MMAA: variants seen among roughly 807,000 people sequenced by gnomAD.
MMAA encodes the protein methylmalonic aciduria type A protein, mitochondrial.
In MMAA, 41 loss-of-function variants were observed where a neutral mutation model predicts 45.0. The ratio of observed to expected loss-of-function variants is 0.91; its 90% confidence interval spans 0.71 to 1.18. The LOEUF (loss-of-function observed/expected upper bound fraction) is 1.18, where lower values mean the gene tolerates loss of function less well. Among genes scored for constraint, MMAA ranks in the 50% most tolerant of loss-of-function variants. The probability of loss-of-function intolerance (pLI) is 0.00; values close to 1 mark genes in which losing one functional copy is unlikely to be tolerated. For synonymous variants in MMAA, 154 were observed against 178.2 expected (o/e 0.86, Z 1.08); for missense variants, 460 against 495.7 (o/e 0.93, Z 0.68).
rs750994850 is a variant in MMAA at position 145,655,463 on chromosome 4, A to G, written c.*29A>G. The G allele has an allele frequency of 3.8e-5, 59 of 1,550,560 alleles. No homozygotes were observed. The highest frequency in any genetic ancestry group is 1.7e-4 in the Middle Eastern group (1 of 5,826). ...AATTCATCCTGTATAATAATTTTAC[A>G]TATCATTTCATAAAGTATTTTAATA... On this transcript the variant is annotated 3_prime_UTR_variant, in exon 7 of 7. Coordinates refer to ENST00000649156, the MANE Select transcript of MMAA (RefSeq NM_172250.3).
chr4:145,630,799 T>G (rs1389062029), intron 1 of MMAA, among the ~76,000 whole-genome samples: 1 of 152,226 alleles, frequency 6.6e-6, no homozygotes, highest in Non-Finnish European at 1.5e-5. Flanking sequence ...AGCTATAAAC[T>G]TCCCTCTTAG....
At chr4:145,627,528 T>C (rs1179405081) in intron 1 of MMAA, among the ~76,000 whole-genome samples, 2 of 152,164 alleles carry the variant, frequency 1.3e-5, no homozygotes, top group African/African-American at 4.8e-5. Flanking sequence ...AAATATGCCC[T>C]TTTTCTGGGA....
chr4:145,644,878 G>A (rs1446361223), intron 3 of MMAA, among the ~76,000 whole-genome samples: 1 of 152,222 alleles, frequency 6.6e-6, no homozygotes, highest in Non-Finnish European at 1.5e-5. Flanking sequence ...CCTCTACCCA[G>A]TAGATGCCAG....
chr4:145,643,679 C>T (rs933636523), intron 3 of MMAA, among the ~76,000 whole-genome samples: 2 of 152,048 alleles, frequency 1.3e-5, no homozygotes. Flanking sequence ...AAATCCATGT[C>T]AATATGTTGT....
At chr4:145,645,930 T>C (rs1274606218) in intron 3 of MMAA, 56 bp from the exon 4 acceptor site, 4 of 1,575,634 alleles carry the variant, frequency 2.5e-6, no homozygotes, top group African/African-American at 2.7e-5. Flanking sequence ...AGGAACTGGC[T>C]GATAATTGAC....
chr4:145,646,522 C>T, intron 4 of MMAA: 3 of 222,628 alleles, frequency 1.3e-5, no homozygotes, highest in Non-Finnish European at 2.7e-5. Flanking sequence ...TAGTTGGGTG[C>T]CTTTTGAAAA....
Position 145,639,434 on chromosome 4 carries a change from G to C in MMAA, c.295G>C (p.Ala99Pro). The C allele has an allele frequency of 6.2e-7, 1 of 1,614,096 alleles. No individual in the cohort carries two copies. The highest frequency in any genetic ancestry group is 8.5e-7 in the Non-Finnish European group (1 of 1,180,020). ...LYTGLIQGQR[A>P]CLAEAITLVE... ...TACTGGTTTAATCCAAGGGCAAAGGGCCTGTTTAGCAGAGGCCATAACTCT... is the reference window on the plus strand; with the variant it reads ...TACTGGTTTAATCCAAGGGCAAAGGCCCTGTTTAGCAGAGGCCATAACTCT... The change falls in exon 2 of 7, where the codon GCC becomes CCC. Residue 99 changes from alanine (A) to proline (P), a missense_variant. Physicochemically the swap from Ala to Pro is conservative, Grantham distance 27. Transcript: ENST00000649156.
chr4:145,621,947 T>C (rs565182558), intron 1 of MMAA, among the ~76,000 whole-genome samples: 2 of 152,202 alleles, frequency 1.3e-5, no homozygotes, highest in Admixed American at 6.5e-5. Context: ...GAAAAAAATG[T>C]ACATTTTAGA....
chr4:145,619,632 T>G (rs1297759122), intron 1 of MMAA, among the ~76,000 whole-genome samples: 1 of 152,208 alleles, frequency 6.6e-6, no homozygotes, highest in Non-Finnish European at 1.5e-5. Context: ...AATGGAAGCT[T>G]TAACAAAGAA....
intron 1 of MMAA, among the ~76,000 whole-genome samples, chr4:145,629,122 G>C (rs1734267980): frequency 6.6e-6 from 1 of 151,872 alleles, no homozygotes; most frequent in Admixed American, 6.6e-5. Flanking sequence ...TGATTGATTT[G>C]TATATATATA....
In MMAA at chr4:145,655,314, C is replaced by T. The variant is rs1010401774; in HGVS notation, c.1137C>T (p.Phe379=). The change falls in exon 7 of 7, where the codon TTC becomes TTT. Residue 379 remains phenylalanine, a synonymous_variant. Transcript: ENST00000649156. ...TTCAGGAAAGTGTGTTAGAGCATTT[C>T]AGGACCCACCCCACAGTCCGGGAAC... ...NLIQESVLEH[F]RTHPTVREQI... 69 of 1,614,050 alleles carry T rather than the reference C, an allele frequency of 4.3e-5. No individual in the cohort carries two copies. The highest frequency in any genetic ancestry group is 5.7e-5 in the Non-Finnish European group (67 of 1,180,026).
At position 145,655,397 on chromosome 4, in the gene MMAA, C is replaced by T. The variant is rs145539291; in HGVS notation, c.1220C>T (p.Ala407Val). 5.6e-6 allele frequency: 9 copies of T among 1,613,242 alleles called. No individual in the cohort carries two copies. Among genetic ancestry groups the T allele is most frequent in the Non-Finnish European group, 5.9e-6 (7 of 1,179,816 alleles). ...LIGALSPGLAADFLLKAFKSR... is the reference protein window; with the variant it reads ...LIGALSPGLAVDFLLKAFKSR... ...GGGGCCCTGTCCCCAGGACTAGCAG[C>T]AGACTTCTTGTTAAAAGCTTTTAAA... Residue 407 changes from alanine to valine, a missense_variant, in exon 7 of 7, where the codon GCA (alanine) becomes GTA (valine). By Grantham distance (64) the Ala-to-Val change is moderately conservative. Transcript: ENST00000649156.
At chr4:145,635,716 T>C (rs1053845213) in intron 1 of MMAA, among the ~76,000 whole-genome samples, 3 of 152,202 alleles carry the variant, frequency 2.0e-5, no homozygotes, top group Non-Finnish European at 2.9e-5. Context: ...ATCTTCCCTA[T>C]GGGACAATAG....
chr4:145,644,455 TTATGTGGAAAGA>T (rs1367051375), intron 3 of MMAA, among the ~76,000 whole-genome samples: 6 of 152,106 alleles, frequency 3.9e-5, no homozygotes, highest in Non-Finnish European at 7.4e-5. Context: ...ATCTTTAACA[TTATGTGGAAAGA>T]TATGTGGAAA....
intron 1 of MMAA, chr4:145,626,043 A>G: frequency 2.5e-6 from 3 of 1,221,860 alleles, no homozygotes; most frequent in Non-Finnish European, 3.5e-6. Flanking sequence ...CATTCTGCTC[A>G]CAGCTCCAGG....
intron 4 of MMAA, among the ~76,000 whole-genome samples, chr4:145,648,140 G>T (rs1727986955): frequency 1.4e-5 from 2 of 139,470 alleles, no homozygotes; most frequent in South Asian, 4.5e-4. Flanking sequence ...GATCCACCGT[G>T]CCTGGCCTTT....
chr4:145,652,377 C>T (rs1400658693), intron 5 of MMAA, among the ~76,000 whole-genome samples: 2 of 152,158 alleles, frequency 1.3e-5, no homozygotes, highest in Non-Finnish European at 2.9e-5. Flanking sequence ...ACCCTCTAAT[C>T]ACATGATAAG....
chr4:145,622,106 C>G (rs1734100347), intron 1 of MMAA, among the ~76,000 whole-genome samples: 2 of 152,172 alleles, frequency 1.3e-5, no homozygotes, highest in African/African-American at 4.8e-5. Context: ...CAAATCACAT[C>G]TTGAATTGTA....
intron 2 of MMAA, among the ~76,000 whole-genome samples, chr4:145,641,922 C>A (rs553913082): frequency 1.3e-5 from 2 of 152,218 alleles, no homozygotes; most frequent in South Asian, 4.2e-4. Context: ...TAGAAAATTG[C>A]TTTCTCAATC....
Sources: allele counts gnomAD v4.1 joint callset (sites outside exome capture counted in the v4.1 genomes callset), GRCh38; gene constraint gnomAD v4.1.1; transcripts MANE v1.5; gene names NCBI Gene and HGNC (gene_info 2026-07-23, HGNC 2026-07-21).